The following LRRC28 variants were observed in gnomAD, a reference collection of about 807,000 sequenced individuals.
LRRC28 encodes leucine rich repeat containing 28.
In LRRC28, 39 loss-of-function variants were observed where a neutral mutation model predicts 45.7. The observed-to-expected ratio is 0.85, with a 90% CI of 0.66 to 1.12. LRRC28 has a LOEUF of 1.12. LRRC28 is among the 50% of genes most tolerant of loss of function. The pLI, the probability that LRRC28 is intolerant of heterozygous loss-of-function variation, is 0.00. For synonymous variants in LRRC28, 206 were observed against 178.8 expected, an observed-to-expected ratio of 1.15 and a Z score of -1.22; for missense variants, 435 against 438.5, an observed-to-expected ratio of 0.99 and a Z score of 0.07.
intron 2 of LRRC28, among the ~76,000 whole-genome samples, chr15:99,267,880 A>G (rs78179054): frequency 2.3e-3 from 350 of 152,312 alleles, no homozygotes; most frequent in African/African-American, 7.6e-3. Flanking sequence ...ACATGTCATA[A>G]TGACTTTCAT....
chr15:99,306,278 G>A (rs1368934686), intron 5 of LRRC28, among the ~76,000 whole-genome samples: 1 of 152,164 alleles, frequency 6.6e-6, no homozygotes, highest in Non-Finnish European at 1.5e-5. Flanking sequence ...CCGGCACCCT[G>A]CCAGGAAGCA....
chr15:99,258,112 T>C, intron 2 of LRRC28: 2 of 1,594,502 alleles, frequency 1.3e-6, no homozygotes, highest in Non-Finnish European at 1.7e-6. Flanking sequence ...AAAACCTTGG[T>C]ACCATAGCCA....
At chr15:99,269,908 G>A (rs1197934303) in intron 2 of LRRC28, among the ~76,000 whole-genome samples, 1 of 152,110 alleles carries the variant, frequency 6.6e-6, no homozygotes, top group Admixed American at 6.5e-5. Flanking sequence ...TGGTAACTAG[G>A]ACCCTGAAGG....
intron 2 of LRRC28, among the ~76,000 whole-genome samples, chr15:99,275,645 A>G (rs1251556549): frequency 6.6e-6 from 1 of 152,174 alleles, no homozygotes; most frequent in Non-Finnish European, 1.5e-5. Flanking sequence ...TCAAGGTGTG[A>G]TTTGGATTGG....
intron 5 of LRRC28, among the ~76,000 whole-genome samples, chr15:99,319,061 A>G (rs1955700879): frequency 1.3e-5 from 2 of 152,292 alleles, no homozygotes; most frequent in South Asian, 4.1e-4. Context: ...CATTCTTTCC[A>G]GCAAGTAAAA....
chr15:99,385,186 C>A (rs1208284979), intron 9 of LRRC28, among the ~76,000 whole-genome samples: 1 of 152,176 alleles, frequency 6.6e-6, no homozygotes, highest in African/African-American at 2.4e-5. Context: ...TGCCCTTCAG[C>A]CCCCTGCTGG....
intron 5 of LRRC28, among the ~76,000 whole-genome samples, chr15:99,303,934 T>C (rs1010554123): frequency 1.3e-5 from 2 of 152,170 alleles, no homozygotes; most frequent in African/African-American, 4.8e-5. Flanking sequence ...AATTTATGTA[T>C]GTGTTTATAA....
intron 5 of LRRC28, among the ~76,000 whole-genome samples, chr15:99,315,251 A>G (rs1203237718): frequency 6.6e-6 from 1 of 152,168 alleles, no homozygotes; most frequent in African/African-American, 2.4e-5. Flanking sequence ...AACAGACAGT[A>G]ATATCTAGGT....
At chr15:99,267,089 A>T (rs924665786) in intron 2 of LRRC28, among the ~76,000 whole-genome samples, 1 of 152,192 alleles carries the variant, frequency 6.6e-6, no homozygotes, top group South Asian at 2.1e-4. Flanking sequence ...TTAAAATAAG[A>T]TGGTTAGAAT....
At chr15:99,274,334 T>A (rs1326806705) in intron 2 of LRRC28, among the ~76,000 whole-genome samples, 1 of 152,194 alleles carries the variant, frequency 6.6e-6, no homozygotes, top group African/African-American at 2.4e-5. Context: ...ATTTTCTGGT[T>A]TAAAATAAAC....
chr15:99,377,683 G>A (rs1423802397), intron 9 of LRRC28, among the ~76,000 whole-genome samples: 3 of 152,008 alleles, frequency 2.0e-5, no homozygotes, highest in East Asian at 1.9e-4. Flanking sequence ...TAGGTCTAAT[G>A]TTTAAGTCTT....
intron 9 of LRRC28, among the ~76,000 whole-genome samples, chr15:99,382,832 C>T (rs1209605910): frequency 6.6e-6 from 1 of 151,630 alleles, no homozygotes; most frequent in African/African-American, 2.4e-5. Flanking sequence ...TTGTGTTATT[C>T]AGTTTTTCTA....
At chr15:99,298,421 AG>A (rs1303917836) in intron 5 of LRRC28, among the ~76,000 whole-genome samples, 1 of 152,164 alleles carries the variant, frequency 6.6e-6, no homozygotes, top group Admixed American at 6.5e-5. Context: ...TATCTCTGAA[AG>A]GTATCTGTCT....
intron 5 of LRRC28, among the ~76,000 whole-genome samples, chr15:99,319,681 C>A (rs1441337527): frequency 6.7e-6 from 1 of 150,006 alleles, no homozygotes; most frequent in Non-Finnish European, 1.5e-5. Flanking sequence ...AAATTACTGT[C>A]TTTAACATTT....
At chr15:99,270,626 C>G (rs1471839336) in intron 2 of LRRC28, among the ~76,000 whole-genome samples, 1 of 152,136 alleles carries the variant, frequency 6.6e-6, no homozygotes, top group African/African-American at 2.4e-5. Context: ...GTGTGTGATT[C>G]CGTAGGGATT....
intron 5 of LRRC28, among the ~76,000 whole-genome samples, chr15:99,299,207 AAATAC>A (rs1213538384): frequency 6.6e-6 from 1 of 152,206 alleles, no homozygotes; most frequent in East Asian, 1.9e-4. Context: ...TGTTTTTGAT[AAATAC>A]GTTAACAAAG....
chr15:99,368,524 G>C (rs949476557), intron 9 of LRRC28, among the ~76,000 whole-genome samples: 5 of 152,156 alleles, frequency 3.3e-5, no homozygotes, highest in African/African-American at 9.7e-5. Context: ...ATGAACCAAA[G>C]AGGTTGCCCT....
chr15:99,256,370 A>G, intron 2 of LRRC28: 1 of 300,924 alleles, frequency 3.3e-6, no homozygotes. Context: ...ATGACTTATA[A>G]AGTTAGTACC....
At chr15:99,350,052 C>T (rs535017540) in intron 6 of LRRC28, among the ~76,000 whole-genome samples, 2 of 149,750 alleles carry the variant, frequency 1.3e-5, no homozygotes, top group East Asian at 3.9e-4. Context: ...AGGAGAATGG[C>T]GTGAACCCGG....
Sources: gnomAD v4.1 joint callset for allele counts (sites outside exome capture counted in the v4.1 genomes callset) on GRCh38, gnomAD v4.1.1 for gene constraint, MANE v1.5 for transcripts, NCBI Gene and HGNC (gene_info 2026-07-23, HGNC 2026-07-21) for gene names.